DCAF6: variants seen among roughly 807,000 people sequenced by gnomAD.
DCAF6 encodes DDB1 and CUL4 associated factor 6.
Under a neutral mutation model 125.1 loss-of-function variants are expected in DCAF6, and 54 were observed. The observed-to-expected ratio is 0.43, with a 90% CI of 0.35 to 0.54. The LOEUF is 0.54. DCAF6 is among the 20% of genes least tolerant of loss of function. The pLI, the probability that DCAF6 is intolerant of heterozygous loss-of-function variation, is 0.01. For synonymous variants in DCAF6, 371 were observed against 390.4 expected, an observed-to-expected ratio of 0.95 and a Z score of 0.58; for missense variants, 934 against 1,161.7, an observed-to-expected ratio of 0.80 and a Z score of 2.85.
intron 7 of DCAF6, among the ~76,000 whole-genome samples, chr1:167,997,644 GA>G (rs199784937): frequency 1.7e-4 from 25 of 148,968 alleles, no homozygotes; most frequent in African/African-American, 5.4e-4. Flanking sequence ...TAATTTTCAG[GA>G]AAAAAAAATC....
chr1:167,948,612 C>G (rs1420663167), intron 1 of DCAF6, among the ~76,000 whole-genome samples: 1 of 152,072 alleles, frequency 6.6e-6, no homozygotes, highest in Non-Finnish European at 1.5e-5. Flanking sequence ...TGAGCAATAG[C>G]TGTATATTTA....
the DCAF6 span, chr1:167,878,463 C>A: frequency 6.2e-7 from 1 of 1,613,946 alleles, no homozygotes; most frequent in Admixed American, 1.7e-5. Context: ...CAGTACGGCC[C>A]CAATACTGAT....
chr1:167,958,446 G>C (rs1471959725), intron 2 of DCAF6, among the ~76,000 whole-genome samples: 1 of 150,998 alleles, frequency 6.6e-6, no homozygotes, highest in Non-Finnish European at 1.5e-5. Flanking sequence ...AAAATCACTT[G>C]ACCATAAATA....
At chr1:167,909,368 A>G in the DCAF6 span, among the ~76,000 whole-genome samples, 2 of 152,224 alleles carry the variant, frequency 1.3e-5, no homozygotes, top group South Asian at 4.1e-4. Context: ...TGGTGAAAAG[A>G]TGTATGCATT....
intron 1 of DCAF6, among the ~76,000 whole-genome samples, chr1:167,938,272 T>TTGTGTG (rs67172910): frequency 5.3e-5 from 8 of 151,690 alleles, no homozygotes; most frequent in African/African-American, 9.7e-5. Flanking sequence ...GTGTGTGTGT[T>TTGTGTG]TGTGTGTGTA....
chr1:167,975,986 TG>T (rs1333019219), intron 4 of DCAF6, among the ~76,000 whole-genome samples: 2 of 152,228 alleles, frequency 1.3e-5, no homozygotes, highest in Admixed American at 6.5e-5. Context: ...CTCATGTTTT[TG>T]TATGTACTTA....
At chr1:168,004,225 C>G (rs572009413) in intron 9 of DCAF6, among the ~76,000 whole-genome samples, 1 of 152,096 alleles carries the variant, frequency 6.6e-6, no homozygotes, top group East Asian at 1.9e-4. Context: ...GTAGAAGAAT[C>G]TGAGGTTTCC....
At chr1:167,910,299 A>G in the DCAF6 span, among the ~76,000 whole-genome samples, 1 of 152,228 alleles carries the variant, frequency 6.6e-6, no homozygotes, top group African/African-American at 2.4e-5. Flanking sequence ...AAAGTGTTCA[A>G]ATCTAATCCA....
intron 12 of DCAF6, among the ~76,000 whole-genome samples, chr1:168,029,356 T>C (rs1367251015): frequency 6.6e-6 from 1 of 152,206 alleles, no homozygotes; most frequent in Non-Finnish European, 1.5e-5. Flanking sequence ...ATGAGTGAAA[T>C]AAGTGGTGGA....
intron 2 of DCAF6, among the ~76,000 whole-genome samples, chr1:167,963,577 A>G (rs1396826932): frequency 1.3e-5 from 2 of 150,882 alleles, no homozygotes; most frequent in Non-Finnish European, 3.0e-5. Context: ...AGTAGCTGGG[A>G]TGCCACCACA....
chr1:167,870,800 T>C, the DCAF6 span, among the ~76,000 whole-genome samples: 1 of 146,260 alleles, frequency 6.8e-6, no homozygotes, highest in East Asian at 2.0e-4. Context: ...CAAGCAAAAC[T>C]CCATCTAAAA....
chr1:167,919,905 C>T, the DCAF6 span: 3 of 1,026,548 alleles, frequency 2.9e-6, no homozygotes, highest in East Asian at 5.0e-5. Flanking sequence ...GAGACCCCGT[C>T]TCAAAAAAAA....
At position 168,061,596 on chromosome 1, in the gene DCAF6, T is replaced by G. The variant is rs145351069; in HGVS notation, c.2301-2025T>G. ...TGGATTTGCCATAATTTATTTAACC[T>G]ATTCTTTCTATATGAACATTTAGAT... On this transcript the variant is annotated intron_variant, in intron 17 of 21. Transcript: ENST00000367840. 3.6e-4 allele frequency among the ~76,000 whole-genome samples: 55 copies of G among 152,296 alleles called. 1 individual carries two copies. In the East Asian group the frequency reaches 9.4e-3, roughly 26 times the overall value.
At chr1:168,028,449 CA>C (rs2103284662) in intron 12 of DCAF6, among the ~76,000 whole-genome samples, 1 of 152,296 alleles carries the variant, frequency 6.6e-6, no homozygotes, top group South Asian at 2.1e-4. Context: ...TGGAAGTTGA[CA>C]GTGCCATCGA....
Position 167,936,888 on chromosome 1 carries a change from C to T in DCAF6, c.-24C>T, listed in dbSNP as rs753029225. 1.9e-6 allele frequency: 3 copies of T among 1,568,838 alleles called. No homozygotes were observed. Among genetic ancestry groups the T allele is most frequent in the South Asian group, 2.3e-5 (2 of 85,834 alleles). On this transcript the variant is annotated 5_prime_UTR_variant, in exon 1 of 22. Coordinates refer to ENST00000367840, the MANE Select transcript of DCAF6 (RefSeq NM_001198956.2). ...CCCCTCCCCCACGCGGTGGTCTCCC[C>T]TCCCACCCGGCTCAGGCAGAGCCAT... is the stretch of plus-strand genomic sequence containing the variant.
At chr1:167,912,842 G>A in the DCAF6 span, among the ~76,000 whole-genome samples, 1 of 152,162 alleles carries the variant, frequency 6.6e-6, no homozygotes, top group Non-Finnish European at 1.5e-5. Flanking sequence ...TCCAAACAGC[G>A]CTATGAAGTA....
At position 168,050,929 on chromosome 1, in the gene DCAF6, A is replaced by G; in HGVS notation, c.2296A>G (p.Met766Val). 7.2e-7 allele frequency: 1 copy of G among 1,389,020 alleles called. No homozygotes were observed. Among genetic ancestry groups the G allele is most frequent in the Non-Finnish European group, 9.6e-7 (1 of 1,046,932 alleles). 86.0% of individuals were successfully genotyped at this position (1,389,020 alleles called of 1,614,324 possible). A position where few individuals can be genotyped will look rare whatever the true frequency, so the allele number is the denominator to read the frequency against. The change falls in exon 17 of 22, where the codon ATG becomes GTG. Residue 766 changes from methionine (M) to valine (V), a missense_variant. Physicochemically the swap from Met to Val is conservative, Grantham distance 21. This residue lies in a region of DCAF6 where 559 missense variants were observed against 635.5 expected (regional missense o/e 0.88). Coordinates refer to ENST00000367840, the MANE Select transcript of DCAF6 (RefSeq NM_001198956.2). ...IRGTTIGDRI[M>V]RRSAVARIQE... ...AGGAACAACAATAGGTGATAGAATA[A>G]TGAGGTAATTCAGTATGTTCCTTCA...
chr1:168,017,942 G>A lies in DCAF6; in HGVS notation c.1549+1991G>A, dbSNP rs565363114. ...TTCTGTTGTCTTCTCACCTATTTAAGTGTTTTAGCTATAAGATGTTCAAAG... is the reference window on the plus strand; with the variant it reads ...TTCTGTTGTCTTCTCACCTATTTAAATGTTTTAGCTATAAGATGTTCAAAG... On this transcript the variant is annotated intron_variant, in intron 11 of 21. Coordinates refer to ENST00000367840, the MANE Select transcript of DCAF6 (RefSeq NM_001198956.2). Among the ~76,000 whole-genome samples the A allele has an allele frequency of 1.4e-4, 22 of 152,224 alleles. No individual in the cohort carries two copies. In the South Asian group the frequency reaches 3.9e-3, roughly 27 times the overall value.
At position 167,937,076 on chromosome 1, in the gene DCAF6, G is replaced by A. The variant is rs1163237732; in HGVS notation, c.97+68G>A. 3.6e-6 allele frequency: 5 copies of A among 1,381,078 alleles called. No homozygotes were observed. The Middle Eastern group carries it at 6.2e-4, about 172-fold the overall frequency. The allele number at this position is 1,381,078 out of a possible 1,614,324, so 85.6% of individuals were successfully genotyped here. ...AGAGTGGGGGAGGGGGCACGCTGCC[G>A]GGTCTGTTGGAGGTGGGACGGCGTC... On this transcript the variant is annotated intron_variant, in intron 1 of 21. Coordinates refer to ENST00000367840, the MANE Select transcript of DCAF6 (RefSeq NM_001198956.2).
Sources: gnomAD v4.1 joint callset for allele counts (sites outside exome capture counted in the v4.1 genomes callset) on GRCh38, gnomAD v4.1.1 for gene constraint, gnomAD v4.1.1 regional missense constraint, MANE v1.5 for transcripts, NCBI Gene and HGNC (gene_info 2026-07-23, HGNC 2026-07-21) for gene names.